Variants in RASA2 observed in about 807,000 individuals in gnomAD.
RASA2 encodes the protein ras GTPase-activating protein 2.
In RASA2, 155 loss-of-function variants were observed where a neutral mutation model predicts 118.2. The observed-to-expected ratio is 1.31, with a 90% CI of 1.15 to 1.50. The LOEUF (loss-of-function observed/expected upper bound fraction) is 1.50, where lower values mean the gene tolerates loss of function less well. RASA2 is among the 40% of genes most tolerant of loss of function. RASA2 has a pLI of 0.00. For synonymous variants in RASA2, 353 were observed against 349.1 expected, an observed-to-expected ratio of 1.01 and a Z score of -0.12; for missense variants, 1,016 against 1,009.6, an observed-to-expected ratio of 1.01 and a Z score of -0.09.
chr3:141,509,771 G>A (rs561037539), intron 1 of RASA2, among the ~76,000 whole-genome samples: 2 of 152,120 alleles, frequency 1.3e-5, no homozygotes, highest in Admixed American at 1.3e-4. Context: ...ATGAGAAGAG[G>A]AATAACTAGT....
chr3:141,590,067 G>A (rs1442098126), intron 19 of RASA2: 4 of 451,002 alleles, frequency 8.9e-6, no homozygotes, highest in African/African-American at 8.1e-5. Context: ...CATGCTTTTT[G>A]TTTTAACTAT....
intron 4 of RASA2, among the ~76,000 whole-genome samples, chr3:141,535,674 G>A (rs2082316745): frequency 6.6e-6 from 1 of 152,132 alleles, no homozygotes; most frequent in Admixed American, 6.5e-5. Flanking sequence ...GAAGGTAAAC[G>A]GGGAGCAGGC....
At chr3:141,593,222 T>G (rs1034702902) in intron 19 of RASA2, among the ~76,000 whole-genome samples, 2 of 152,130 alleles carry the variant, frequency 1.3e-5, no homozygotes, top group Non-Finnish European at 1.5e-5. Flanking sequence ...TAATTTTGTA[T>G]TTTTAGTAGA....
intron 19 of RASA2, among the ~76,000 whole-genome samples, chr3:141,604,063 G>A (rs145727135): frequency 7.2e-5 from 11 of 152,278 alleles, no homozygotes; most frequent in African/African-American, 2.6e-4. Context: ...ACAAGTTTTT[G>A]TGTGGATGTG....
Position 141,512,148 on chromosome 3 carries a change from A to G in RASA2, c.134-15A>G. On this transcript the variant is annotated splice_polypyrimidine_tract_variant and intron_variant, in intron 1 of 23. Transcript: ENST00000286364. ...TGATGATATTTAATAACAATTTTAAATTTTATGCCAACAGGTGAAGCAAAA... is the reference window on the plus strand; with the variant it reads ...TGATGATATTTAATAACAATTTTAAGTTTTATGCCAACAGGTGAAGCAAAA... 6.4e-7 allele frequency: 1 copy of G among 1,558,816 alleles called. No individual in the cohort carries two copies. The highest frequency in any genetic ancestry group is 1.4e-5 in the African/African-American group (1 of 73,434).
chr3:141,580,453 T>C lies in RASA2; in HGVS notation c.1674+2T>C. On this transcript the variant is annotated splice_donor_variant, in intron 16 of 23. Transcript: ENST00000286364. LOFTEE classifies it high-confidence loss of function. ...TGGGGGAGTCTGTCCAAAAGCAAGGTAAGTCCTTACATCTTTTATTTTGTT... is the reference window on the plus strand; with the variant it reads ...TGGGGGAGTCTGTCCAAAAGCAAGGCAAGTCCTTACATCTTTTATTTTGTT... 1 of 1,585,178 alleles carries C rather than the reference T, an allele frequency of 6.3e-7. No individual in the cohort carries two copies. The highest frequency in any genetic ancestry group is 8.6e-7 in the Non-Finnish European group (1 of 1,156,262).
chr3:141,602,321 C>T (rs754292025), intron 19 of RASA2, among the ~76,000 whole-genome samples: 5 of 152,212 alleles, frequency 3.3e-5, no homozygotes, highest in Non-Finnish European at 7.3e-5. Flanking sequence ...TGTTTTACCT[C>T]AGATCATCAG....
intron 3 of RASA2, among the ~76,000 whole-genome samples, chr3:141,524,082 A>G (rs1323804942): frequency 2.6e-5 from 4 of 152,240 alleles, no homozygotes; most frequent in Non-Finnish European, 4.4e-5. Flanking sequence ...GGCTTAATAC[A>G]GCAACCGTAC....
intron 4 of RASA2, among the ~76,000 whole-genome samples, chr3:141,531,630 A>G (rs2082262250): frequency 6.6e-6 from 1 of 152,012 alleles, no homozygotes; most frequent in South Asian, 2.1e-4. Context: ...ACAGTTACCC[A>G]GATATAATAT....
intron 5 of RASA2, among the ~76,000 whole-genome samples, chr3:141,544,095 C>T (rs1056772911): frequency 6.6e-6 from 1 of 152,000 alleles, no homozygotes. Flanking sequence ...AGGCTGCTCT[C>T]GAACTCCTGG....
rs142581242 is a variant in RASA2 at position 141,567,308 on chromosome 3, C to T, written c.864-3604C>T. Among the ~76,000 whole-genome samples, 668 of 151,576 alleles carry T rather than the reference C, an allele frequency of 4.4e-3. 6 individuals are homozygous for T. Among genetic ancestry groups the T allele is most frequent in the African/African-American group, 0.015 (635 of 41,296 alleles). On this transcript the variant is annotated intron_variant, in intron 9 of 23. Transcript: ENST00000286364. ...GCCCGCGCCTGTAGTCCCAGCTACT[C>T]GGGAGGCTGAGGCGGGAGAATCGCT...
At chr3:141,571,172 T>A in intron 10 of RASA2, 104 bp downstream of exon 10, 1 of 1,259,796 alleles carries the variant, frequency 7.9e-7, no homozygotes, top group Non-Finnish European at 1.1e-6. Flanking sequence ...ATTAAAACAG[T>A]AAAAATTATA....
intron 5 of RASA2, among the ~76,000 whole-genome samples, chr3:141,542,904 T>C (rs1404073945): frequency 6.6e-6 from 1 of 152,182 alleles, no homozygotes; most frequent in Non-Finnish European, 1.5e-5. Context: ...ATTGGCTTTT[T>C]TTACTCAGAT....
chr3:141,584,022 A>G (rs1161739350), intron 17 of RASA2, among the ~76,000 whole-genome samples: 1 of 152,242 alleles, frequency 6.6e-6, no homozygotes, highest in African/African-American at 2.4e-5. Flanking sequence ...GATTAAAAAA[A>G]AAGAAGAAGA....
chr3:141,596,186 C>T (rs1006690905), intron 19 of RASA2, among the ~76,000 whole-genome samples: 1 of 152,022 alleles, frequency 6.6e-6, no homozygotes, highest in African/African-American at 2.4e-5. Flanking sequence ...TCTCTGATCA[C>T]AACAGAATTA....
At chr3:141,528,644 T>C (rs2151093364) in intron 3 of RASA2, among the ~76,000 whole-genome samples, 1 of 152,100 alleles carries the variant, frequency 6.6e-6, no homozygotes, top group South Asian at 2.1e-4. Flanking sequence ...CAGAGTTGTG[T>C]AACTGTCACC....
intron 5 of RASA2, 137 bp downstream of exon 5, chr3:141,540,746 A>C: frequency 1.4e-6 from 1 of 700,254 alleles, no homozygotes; most frequent in South Asian, 1.9e-5. Context: ...CCTTTTGTGA[A>C]GTTGATTTTC....
chr3:141,501,359 G>A lies in RASA2; in HGVS notation c.134-10804G>A, dbSNP rs2081779440. On this transcript the variant is annotated intron_variant, in intron 1 of 23. Coordinates refer to ENST00000286364, the MANE Select transcript of RASA2 (RefSeq NM_006506.5). ...GTCAGGAGCTAATGGCTTGGATGAA[G>A]GGAATTGTATATAGATGCTAATTTT... Among the ~76,000 whole-genome samples the A allele has an allele frequency of 2.0e-5, 3 of 152,310 alleles. No individual in the cohort carries two copies. In the East Asian group the frequency reaches 5.8e-4, roughly 29 times the overall value.
chr3:141,525,650 A>G (rs1284216301), intron 3 of RASA2: 1 of 152,064 alleles, frequency 6.6e-6, no homozygotes, highest in Non-Finnish European at 1.5e-5. Flanking sequence ...TACAAAAACT[A>G]TAAAAAGTAG....
Sources: allele counts gnomAD v4.1 joint callset (sites outside exome capture counted in the v4.1 genomes callset), GRCh38; gene constraint gnomAD v4.1.1; transcripts MANE v1.5; gene names NCBI Gene and HGNC (gene_info 2026-07-23, HGNC 2026-07-21).